The following RSBN1L variants were observed in gnomAD, a reference collection of about 807,000 sequenced individuals.
RSBN1L encodes the protein lysine-specific demethylase RSBN1L.
A neutral mutation model predicts 67.7 loss-of-function variants in RSBN1L; 30 were observed. The observed-to-expected ratio is 0.44, with a 90% CI of 0.33 to 0.60. The LOEUF (loss-of-function observed/expected upper bound fraction) is 0.60. Among genes scored for constraint, RSBN1L ranks in the 20% least tolerant of loss-of-function variants. The probability of loss-of-function intolerance (pLI) is 0.02; values close to 1 mark genes in which losing one functional copy is unlikely to be tolerated. For synonymous variants in RSBN1L, 433 were observed against 387.0 expected (o/e 1.12, Z -1.39); for missense variants, 992 against 1,031.7 (o/e 0.96, Z 0.53).
intron 6 of RSBN1L, among the ~76,000 whole-genome samples, chr7:77,774,277 A>G (rs532532176): frequency 6.6e-6 from 1 of 152,206 alleles, no homozygotes; most frequent in Non-Finnish European, 1.5e-5. Flanking sequence ...TTGATAAAAC[A>G]TATAAAGCAA....
At chr7:77,712,421 T>C (rs949673072) in intron 1 of RSBN1L, among the ~76,000 whole-genome samples, 1 of 152,006 alleles carries the variant, frequency 6.6e-6, no homozygotes, top group African/African-American at 2.4e-5. Flanking sequence ...GCTGGAATTA[T>C]AGACACGTGC....
At chr7:77,773,717 C>T (rs548906803) in intron 6 of RSBN1L, among the ~76,000 whole-genome samples, 32 of 152,270 alleles carry the variant, frequency 2.1e-4, no homozygotes, top group South Asian at 1.0e-3. Context: ...GAGCCGAGAT[C>T]GCGCCACTGC....
chr7:77,757,051 T>C (rs776221548), intron 3 of RSBN1L, among the ~76,000 whole-genome samples: 1 of 152,188 alleles, frequency 6.6e-6, no homozygotes, highest in Non-Finnish European at 1.5e-5. Flanking sequence ...TTTTTGTTAT[T>C]GTTCTTAAAT....
chr7:77,764,744 A>T (rs1041690199), intron 3 of RSBN1L, among the ~76,000 whole-genome samples: 2 of 151,656 alleles, frequency 1.3e-5, no homozygotes, highest in East Asian at 3.9e-4. Flanking sequence ...CTCCTGCCTC[A>T]GCCTCCCAAG....
intron 1 of RSBN1L, among the ~76,000 whole-genome samples, chr7:77,714,415 A>G (rs1453706230): frequency 6.6e-6 from 1 of 152,108 alleles, no homozygotes. Context: ...CTGTCTCAGT[A>G]GTTTTGCCTT....
intron 1 of RSBN1L, among the ~76,000 whole-genome samples, chr7:77,726,637 C>T (rs1562798520): frequency 6.6e-6 from 1 of 152,006 alleles, no homozygotes; most frequent in Admixed American, 6.6e-5. Flanking sequence ...TGAGACGGAA[C>T]GTTGCTGTGT....
chr7:77,748,373 A>G (rs1258023953), intron 2 of RSBN1L, among the ~76,000 whole-genome samples: 2 of 152,248 alleles, frequency 1.3e-5, no homozygotes, highest in Non-Finnish European at 2.9e-5. Flanking sequence ...TGGATTTGAT[A>G]TTTCAACATT....
intron 3 of RSBN1L, among the ~76,000 whole-genome samples, chr7:77,762,334 C>G (rs1791706208): frequency 1.3e-5 from 2 of 152,016 alleles, no homozygotes; most frequent in South Asian, 2.1e-4. Flanking sequence ...AAGATAAAGC[C>G]TCTTCTTAGG....
chr7:77,759,561 G>A (rs1388984819), intron 3 of RSBN1L: 2 of 151,896 alleles, frequency 1.3e-5, no homozygotes, highest in African/African-American at 4.8e-5. Context: ...AAAAATAAGG[G>A]ACTCTCCTCC....
In RSBN1L at chr7:77,781,045, A is replaced by T. The variant is rs1791991755; in HGVS notation, c.*1877A>T. 6.6e-6 allele frequency: 1 copy of T among 152,196 alleles called. No individual in the cohort carries two copies. Among genetic ancestry groups the T allele is most frequent in the African/African-American group, 2.4e-5 (1 of 41,442 alleles). The allele number at this position is 152,196 out of a possible 1,614,324, so 9.4% of individuals were successfully genotyped here. A position where few individuals can be genotyped will look rare whatever the true frequency, so the allele number is the denominator to read the frequency against. ...GGTATTTCCATTTCTGGCTTAATTT[A>T]TGGTAACCATCAAAACTGCTTATAT... On this transcript the variant is annotated 3_prime_UTR_variant, in exon 8 of 8. Coordinates refer to ENST00000334955, the MANE Select transcript of RSBN1L (RefSeq NM_198467.3).
At chr7:77,768,586 A>C in intron 4 of RSBN1L, 75 bp from the exon 5 acceptor site, 2 of 1,209,846 alleles carry the variant, frequency 1.7e-6, no homozygotes, top group East Asian at 4.8e-5. Flanking sequence ...TGTCAGGGGA[A>C]CAATATTATT....
intron 6 of RSBN1L, among the ~76,000 whole-genome samples, chr7:77,774,009 A>G (rs1414472234): frequency 6.6e-6 from 1 of 152,192 alleles, no homozygotes; most frequent in Non-Finnish European, 1.5e-5. Context: ...TTTTACAGTC[A>G]TATAGTTAAT....
intron 1 of RSBN1L, among the ~76,000 whole-genome samples, chr7:77,705,616 A>G (rs1049826729): frequency 6.9e-6 from 1 of 144,892 alleles, no homozygotes; most frequent in Non-Finnish European, 1.5e-5. Flanking sequence ...GGTTCCAGTG[A>G]TTCTCCTGTC....
intron 1 of RSBN1L, among the ~76,000 whole-genome samples, chr7:77,725,516 G>A (rs1791190210): frequency 1.3e-5 from 2 of 151,898 alleles, no homozygotes; most frequent in Non-Finnish European, 2.9e-5. Context: ...CATAGTGCTG[G>A]GATTACAGGC....
At position 77,779,125 on chromosome 7, in the gene RSBN1L, C is replaced by T. The variant is rs758979620; in HGVS notation, c.2498C>T (p.Ala833Val). 7 of 1,603,808 alleles carry T rather than the reference C, an allele frequency of 4.4e-6. No homozygotes were observed. Among genetic ancestry groups the T allele is most frequent in the Admixed American group, 1.7e-5 (1 of 57,692 alleles). ...SLVDTRQHSS[A>V]HSNQDKKDDD... Reference sequence around the variant, plus strand: ...GTTGATACAAGGCAACACAGTTCAGCACATTCAAATCAAGATAAAAAAGAC... The same window carrying T: ...GTTGATACAAGGCAACACAGTTCAGTACATTCAAATCAAGATAAAAAAGAC... The change falls in exon 8 of 8, where the codon GCA (alanine) becomes GTA (valine). Residue 833 changes from alanine (A) to valine (V), a missense_variant. Physicochemically the swap from Ala to Val is moderately conservative, Grantham distance 64. This residue lies in a region of RSBN1L where 199 missense variants were observed against 167.7 expected (regional missense o/e 1.19). Coordinates refer to ENST00000334955, the MANE Select transcript of RSBN1L (RefSeq NM_198467.3).
At chr7:77,759,440 T>C (rs745727236) in intron 3 of RSBN1L, among the ~76,000 whole-genome samples, 5 of 152,224 alleles carry the variant, frequency 3.3e-5, no homozygotes, top group Non-Finnish European at 5.9e-5. Flanking sequence ...TATTGCCTAT[T>C]TTGATTAGAA....
chr7:77,741,822 C>T (rs980308075), intron 2 of RSBN1L, among the ~76,000 whole-genome samples: 3 of 151,864 alleles, frequency 2.0e-5, no homozygotes, highest in African/African-American at 7.3e-5. Context: ...GCATACATAT[C>T]TACTGCATTT....
At chr7:77,715,773 T>C (rs979488688) in intron 1 of RSBN1L, among the ~76,000 whole-genome samples, 1 of 152,218 alleles carries the variant, frequency 6.6e-6, no homozygotes, top group Non-Finnish European at 1.5e-5. Context: ...TAACTTGATA[T>C]TGCCAGTTTA....
rs186186898 is a variant in RSBN1L at position 77,749,745 on chromosome 7, C to G, written c.1025C>G (p.Thr342Ser). 3.1e-6 allele frequency: 5 copies of G among 1,614,130 alleles called. No individual in the cohort carries two copies. The South Asian group carries it at 3.3e-5, about 11-fold the overall frequency. ...RVQNNLKRLD[T>S]LEFKQLIHIE... ...CAGAATAACCTCAAAAGGTTGGACA[C>G]TTTGGAATTTAAACAACTCATTCAT... Residue 342 changes from threonine to serine, a missense_variant, in exon 3 of 8, where the codon ACT becomes AGT. This residue lies in a region of RSBN1L where 575 missense variants were observed against 483.2 expected (regional missense o/e 1.19). Coordinates refer to ENST00000334955, the MANE Select transcript of RSBN1L (RefSeq NM_198467.3).
Sources: gnomAD v4.1 joint callset for allele counts (sites outside exome capture counted in the v4.1 genomes callset) on GRCh38, gnomAD v4.1.1 for gene constraint, gnomAD v4.1.1 regional missense constraint, MANE v1.5 for transcripts, NCBI Gene and HGNC (gene_info 2026-07-23, HGNC 2026-07-21) for gene names.